Variants in DCAF8 observed in about 807,000 individuals in gnomAD.
DCAF8 encodes DDB1 and CUL4 associated factor 8.
In DCAF8, 20 loss-of-function variants were observed where a neutral mutation model predicts 68.0. That is an observed-to-expected ratio of 0.29 (90% CI 0.21 to 0.43). The LOEUF is 0.43. DCAF8 is among the 20% of genes least tolerant of loss of function. DCAF8 has a pLI of 1.00. For missense variants in DCAF8, 460 were observed against 771.0 expected (o/e 0.60, Z 4.78); for synonymous variants, 230 against 276.9 (o/e 0.83, Z 1.68).
At chr1:160,221,635 C>G (rs1655300063) in intron 11 of DCAF8, among the ~76,000 whole-genome samples, 1 of 151,990 alleles carries the variant, frequency 6.6e-6, no homozygotes, top group Admixed American at 6.5e-5. Context: ...TTCCCCACAG[C>G]TAAGAAGGAA....
intron 2 of DCAF8, among the ~76,000 whole-genome samples, chr1:160,250,478 A>AG (rs1253750758): frequency 1.5e-4 from 22 of 151,618 alleles, no homozygotes; most frequent in Admixed American, 1.1e-3. Context: ...AAAAAAAAAA[A>AG]AAAAAAAACA....
At chr1:160,239,101 A>G in intron 4 of DCAF8, 1 of 966,532 alleles carries the variant, frequency 1.0e-6, no homozygotes, top group Non-Finnish European at 1.3e-6. Flanking sequence ...GCTACAAAGA[A>G]AAAGGAAAAT....
chr1:160,231,522 G>A, intron 6 of DCAF8, 115 bp from the exon 7 acceptor site: 1 of 701,214 alleles, frequency 1.4e-6, no homozygotes, highest in Non-Finnish European at 2.4e-6. Flanking sequence ...ATTCTCATTT[G>A]GAAAGAAAGA....
At chr1:160,260,936 G>C (rs917095750) in intron 2 of DCAF8, among the ~76,000 whole-genome samples, 3 of 151,992 alleles carry the variant, frequency 2.0e-5, no homozygotes, top group African/African-American at 7.3e-5. Flanking sequence ...CAGAACTCAG[G>C]CAAACTAAGT....
At chr1:160,242,531 A>G (rs923024528) in intron 3 of DCAF8, among the ~76,000 whole-genome samples, 1 of 152,214 alleles carries the variant, frequency 6.6e-6, no homozygotes, top group African/African-American at 2.4e-5. Context: ...AGTAACAAAT[A>G]TAGACAATTT....
intron 2 of DCAF8, among the ~76,000 whole-genome samples, chr1:160,250,422 CA>C (rs1353837994): frequency 1.4e-5 from 2 of 140,898 alleles, no homozygotes; most frequent in African/African-American, 5.3e-5. Context: ...GCCAAGATCG[CA>C]CCATTGCACT....
At chr1:160,244,807 G>T (rs1656256014) in intron 2 of DCAF8, among the ~76,000 whole-genome samples, 1 of 151,936 alleles carries the variant, frequency 6.6e-6, no homozygotes, top group Non-Finnish European at 1.5e-5. Context: ...TAGAGATGGG[G>T]TTTCACTGTG....
Position 160,237,215 on chromosome 1 carries a change from T to C in DCAF8, c.879A>G (p.Pro293=). 6.4e-7 allele frequency: 1 copy of C among 1,570,790 alleles called. No homozygotes were observed. The highest frequency in any genetic ancestry group is 8.7e-7 in the Non-Finnish European group (1 of 1,155,852). ...CAGATAAGAACGTACAGGGAGAGTC[T>C]GGTTCCAGTGCCAACTGAAGAAGAA... ...KGASHKLALE[P]DSPCTFLSAG... is the part of the protein sequence containing the mutation. Residue 293 remains proline, a synonymous_variant, in exon 6 of 14, where the codon CCA becomes CCG. Coordinates refer to ENST00000368074, the MANE Select transcript of DCAF8 (RefSeq NM_015726.4).
At position 160,217,589 on chromosome 1, in the gene DCAF8, G is replaced by T; in HGVS notation, c.*3C>A. 18 of 1,609,190 alleles carry T rather than the reference G, an allele frequency of 1.1e-5. No homozygotes were observed. Among genetic ancestry groups the T allele is most frequent in the Non-Finnish European group, 1.5e-5 (18 of 1,176,646 alleles). The stretch of plus-strand genomic sequence containing the variant: ...CCAGCCTGCCCCACCTAGGTATGAG[G>T]CCTCAAGATGGCATGCACTGCACCC... On this transcript the variant is annotated 3_prime_UTR_variant, in exon 14 of 14. Transcript: ENST00000368074.
chr1:160,240,999 C>T (rs1253533752), intron 3 of DCAF8, among the ~76,000 whole-genome samples: 1 of 152,084 alleles, frequency 6.6e-6, no homozygotes, highest in Non-Finnish European at 1.5e-5. Context: ...CCCGTCTCTA[C>T]TAAAAATACA....
intron 12 of DCAF8, 29 bp from the exon 13 acceptor site, chr1:160,218,469 G>C (rs778766997): frequency 6.4e-7 from 1 of 1,564,770 alleles, no homozygotes; most frequent in Non-Finnish European, 8.8e-7. Flanking sequence ...GGGAAGAGGG[G>C]GCAGCAATGA....
intron 2 of DCAF8, among the ~76,000 whole-genome samples, chr1:160,254,405 T>C (rs1455208893): frequency 6.6e-6 from 1 of 152,218 alleles, no homozygotes; most frequent in East Asian, 1.9e-4. Context: ...AAAAAGTTTG[T>C]ATTCCTACTG....
At chr1:160,231,476 C>T in intron 6 of DCAF8, 69 bp from the exon 7 acceptor site, 1 of 1,098,950 alleles carries the variant, frequency 9.1e-7, no homozygotes, top group Non-Finnish European at 1.4e-6. Flanking sequence ...CAAAGGAGAG[C>T]CAAGAGAGTC....
rs139657718 is a variant in DCAF8, at chr1:160,233,325, G to A, written c.960-1918C>T. On this transcript the variant is annotated intron_variant, in intron 6 of 13. Transcript: ENST00000368074. ...GCACTTTGGGAGACTGAGGTGGGAGGATCGTTTGAATCCAGGAGTTCAAGA... is the reference window on the plus strand; with the variant it reads ...GCACTTTGGGAGACTGAGGTGGGAGAATCGTTTGAATCCAGGAGTTCAAGA... Among the ~76,000 whole-genome samples, 169 of 152,190 alleles carry A rather than the reference G, an allele frequency of 1.1e-3. 1 individual carries two copies. The highest frequency in any genetic ancestry group is 3.9e-3 in the African/African-American group (164 of 41,524).
In DCAF8 at chr1:160,243,838, C is replaced by G. The variant is rs565066088; in HGVS notation, c.49+122G>C. 9 of 926,298 alleles carry G rather than the reference C, an allele frequency of 9.7e-6. No homozygotes were observed. The African/African-American group carries it at 1.5e-4, about 15-fold the overall frequency. The allele number at this position is 926,298 out of a possible 1,614,324, so 57.4% of individuals were successfully genotyped here. A position where few individuals can be genotyped will look rare whatever the true frequency, so the allele number is the denominator to read the frequency against. On this transcript the variant is annotated intron_variant, in intron 3 of 13. Transcript: ENST00000368074. ...TGTTTCCTGTGTAGTTTCCTAAACT[C>G]AGAACAACACAGGAAAGTTTCCCTC...
intron 1 of DCAF8, chr1:160,262,037 C>T (rs1366309279): frequency 1.1e-5 from 3 of 276,294 alleles, no homozygotes; most frequent in African/African-American, 6.6e-5. Context: ...GAAATAGGAG[C>T]GCACACATGG....
In DCAF8 at chr1:160,240,057, C is replaced by T; in HGVS notation, c.363G>A (p.Lys121=). ...EEQPRRRVQR[K]RANRDQDSSD... is the part of the protein sequence containing the mutation. ...ATGAGTCCTGGTCACGGTTAGCCCG[C>T]TTGCGCTGTACACGGCGCCGAGGCT... is the stretch of plus-strand genomic sequence containing the variant. The change falls in exon 4 of 14, where the codon AAG becomes AAA. Residue 121 remains lysine, a synonymous_variant. Coordinates refer to ENST00000368074, the MANE Select transcript of DCAF8 (RefSeq NM_015726.4). 2.5e-6 allele frequency: 4 copies of T among 1,614,264 alleles called. No individual in the cohort carries two copies. Among genetic ancestry groups the T allele is most frequent in the Non-Finnish European group, 3.4e-6 (4 of 1,180,048 alleles).
chr1:160,248,929 C>A (rs2101757742), intron 2 of DCAF8, among the ~76,000 whole-genome samples: 1 of 151,512 alleles, frequency 6.6e-6, no homozygotes, highest in South Asian at 2.1e-4. Flanking sequence ...TGGTGCCTCA[C>A]ACCTGTAATC....
chr1:160,232,731 T>C lies in DCAF8; in HGVS notation c.960-1324A>G, dbSNP rs1049952899. Among the ~76,000 whole-genome samples, 11 of 152,118 alleles carry C rather than the reference T, an allele frequency of 7.2e-5. No homozygotes were observed. The East Asian group carries it at 1.9e-3, about 27-fold the overall frequency. ...TGCTCAGGAGGCTGAGGTGTGAGGA[T>C]TCCTTGAGTCCAGAAAGTTGAGGCT... On this transcript the variant is annotated intron_variant, in intron 6 of 13. Coordinates refer to ENST00000368074, the MANE Select transcript of DCAF8 (RefSeq NM_015726.4).
Sources: allele counts gnomAD v4.1 joint callset (sites outside exome capture counted in the v4.1 genomes callset), GRCh38; gene constraint gnomAD v4.1.1; transcripts MANE v1.5; gene names NCBI Gene and HGNC (gene_info 2026-07-23, HGNC 2026-07-21).